RBFOX1: variants seen among roughly 807,000 people sequenced by gnomAD.
RBFOX1 encodes the protein RNA binding protein fox-1 homolog 1.
In RBFOX1, 8 loss-of-function variants were observed where a neutral mutation model predicts 57.7. That is an observed-to-expected ratio of 0.14 (90% confidence interval 0.08 to 0.25). The LOEUF (loss-of-function observed/expected upper bound fraction) is 0.25. Among genes scored for constraint, RBFOX1 ranks in the 10% least tolerant of loss-of-function variants. RBFOX1 has a pLI of 1.00. For synonymous variants in RBFOX1, 326 were observed against 222.4 expected, an observed-to-expected ratio of 1.47 and a Z score of -4.15; for missense variants, 611 against 548.5, an observed-to-expected ratio of 1.11 and a Z score of -1.14.
chr16:7,434,122 A>G (rs2098703607), intron 4 of RBFOX1, among the ~76,000 whole-genome samples: 1 of 152,174 alleles, frequency 6.6e-6, no homozygotes, highest in Non-Finnish European at 1.5e-5. Flanking sequence ...AGCACGGAGT[A>G]AAGTTTCATA....
At chr16:6,995,781 C>CAAA (rs1057339461) in intron 3 of RBFOX1, among the ~76,000 whole-genome samples, 4 of 151,400 alleles carry the variant, frequency 2.6e-5, no homozygotes, top group Non-Finnish European at 5.9e-5. Flanking sequence ...TAATAAAAAA[C>CAAA]AAAAAAAGGG....
At chr16:7,417,121 G>A (rs1010590293) in intron 4 of RBFOX1, among the ~76,000 whole-genome samples, 9 of 152,116 alleles carry the variant, frequency 5.9e-5, no homozygotes, top group Admixed American at 5.2e-4. Context: ...TGTAATCCCA[G>A]CACTTTGGGA....
intron 2 of RBFOX1, among the ~76,000 whole-genome samples, chr16:6,554,114 G>A (rs768488954): frequency 2.6e-5 from 4 of 152,168 alleles, no homozygotes; most frequent in African/African-American, 4.8e-5. Context: ...AAATAACAAA[G>A]TGTTAAAGAA....
chr16:6,619,080 G>C (rs147701604), intron 2 of RBFOX1, among the ~76,000 whole-genome samples: 1 of 152,190 alleles, frequency 6.6e-6, no homozygotes, highest in African/African-American at 2.4e-5. Context: ...AGAGGGTCAA[G>C]GTTGCATACC....
intron 1 of RBFOX1, among the ~76,000 whole-genome samples, chr16:6,105,388 T>TA (rs915822572): frequency 0.017 from 2,440 of 147,024 alleles, 67 homozygotes; most frequent in African/African-American, 0.055. Context: ...GCTCAGAAGG[T>TA]AAAAAAAAAA....
chr16:7,014,592 G>A (rs2093813678), intron 3 of RBFOX1, among the ~76,000 whole-genome samples: 1 of 151,916 alleles, frequency 6.6e-6, no homozygotes, highest in African/African-American at 2.4e-5. Flanking sequence ...TTTTAAAGGG[G>A]ATAACTGTCT....
intron 3 of RBFOX1, among the ~76,000 whole-genome samples, chr16:6,657,675 G>T (rs1036429818): frequency 7.9e-5 from 12 of 152,254 alleles, no homozygotes; most frequent in Middle Eastern, 6.8e-3. Context: ...TCAGTAATTT[G>T]ATAAAGTGGA....
chr16:5,558,341 G>C (rs986342445), intron 2 of RBFOX1, among the ~76,000 whole-genome samples: 1 of 152,136 alleles, frequency 6.6e-6, no homozygotes, highest in African/African-American at 2.4e-5. Context: ...CCTAGATGCA[G>C]CTGTGGAGGC....
intron 5 of RBFOX1, among the ~76,000 whole-genome samples, chr16:7,553,605 A>T (rs1213797569): frequency 6.6e-6 from 1 of 152,228 alleles, no homozygotes; most frequent in Non-Finnish European, 1.5e-5. Context: ...TCAAATGAAG[A>T]TCTGCAAGTG....
rs917300574 is a variant in RBFOX1 at position 7,048,194 on chromosome 16, AT to A, written c.-15-3856del. On this transcript the variant is annotated intron_variant, in intron 3 of 15. Coordinates refer to ENST00000550418, the MANE Select transcript of RBFOX1 (RefSeq NM_018723.4). ...GTGCCCAGCCCAATATTTTATTTTT[AT>A]TTTTTTAAAAAAATTTAGTTATTTT... is the stretch of plus-strand genomic sequence containing the variant. Among the ~76,000 whole-genome samples the A allele has an allele frequency of 2.7e-5, 4 of 147,966 alleles. No individual in the cohort carries two copies. In the South Asian group the frequency reaches 6.5e-4, roughly 24 times the overall value.
chr16:5,603,028 T>A (rs4786046), downstream of RBFOX1, among the ~76,000 whole-genome samples: 3 of 152,010 alleles, frequency 2.0e-5, no homozygotes, highest in African/African-American at 4.8e-5. Flanking sequence ...TTTTTGGTCC[T>A]TGCCTGCTCC....
intron 3 of RBFOX1, among the ~76,000 whole-genome samples, chr16:5,629,303 G>C (rs1284657002): frequency 6.6e-6 from 1 of 152,108 alleles, no homozygotes; most frequent in African/African-American, 2.4e-5. Flanking sequence ...AACATTTAGG[G>C]CTCAGGTGCT....
intron 4 of RBFOX1, among the ~76,000 whole-genome samples, chr16:5,982,578 C>T (rs2060196223): frequency 2.0e-5 from 3 of 152,144 alleles, no homozygotes; most frequent in African/African-American, 2.4e-5. Flanking sequence ...GCCCAGCCTG[C>T]ACATGATTTT....
At position 6,072,158 on chromosome 16, in the gene RBFOX1, G is replaced by T. The variant is rs115559598; in HGVS notation, c.-127+52166G>T. Among the ~76,000 whole-genome samples the T allele has an allele frequency of 4.2e-3, 644 of 152,216 alleles. 7 individuals are homozygous for T. Among genetic ancestry groups the T allele is most frequent in the African/African-American group, 0.013 (543 of 41,542 alleles). The stretch of plus-strand genomic sequence containing the variant: ...TGCAGGCAAGAGAGCTTGTTCAGGG[G>T]AACTGCCCTTTATAACATCATCATC... On this transcript the variant is annotated intron_variant, in intron 1 of 15. Transcript: ENST00000550418.
At chr16:6,173,747 C>T (rs545783305) in intron 1 of RBFOX1, among the ~76,000 whole-genome samples, 2 of 151,492 alleles carry the variant, frequency 1.3e-5, no homozygotes, top group Middle Eastern at 3.4e-3. Flanking sequence ...GTAGCTGGGG[C>T]TATAGGCGTA....
Position 5,985,242 on chromosome 16 carries a change from T to C in RBFOX1, c.351+117907T>C, listed in dbSNP as rs1280477002. Reference sequence around the variant, plus strand: ...CTCCTGACCTCCTGATCCATCCCCCTCGGCCTCCCAAAGTGGTGGGATTAC... The same window carrying C: ...CTCCTGACCTCCTGATCCATCCCCCCCGGCCTCCCAAAGTGGTGGGATTAC... On this transcript the variant is annotated intron_variant, in intron 4 of 19. Coordinates refer to the RBFOX1 transcript ENST00000641259. 2.6e-5 allele frequency among the ~76,000 whole-genome samples: 4 copies of C among 151,814 alleles called. No individual in the cohort carries two copies. In the East Asian group the frequency reaches 7.8e-4, roughly 30 times the overall value.
chr16:6,180,029 A>G (rs781124560), intron 1 of RBFOX1, among the ~76,000 whole-genome samples: 5 of 152,142 alleles, frequency 3.3e-5, no homozygotes, highest in Non-Finnish European at 7.3e-5. Context: ...GTGTGGCTGC[A>G]TTTGGTTTGC....
At chr16:6,562,010 G>A (rs2097185524) in intron 2 of RBFOX1, among the ~76,000 whole-genome samples, 1 of 152,006 alleles carries the variant, frequency 6.6e-6, no homozygotes, top group South Asian at 2.1e-4. Flanking sequence ...AGATCATTAT[G>A]AGGCCATGTT....
At chr16:7,107,786 C>T (rs991567208) in intron 4 of RBFOX1, among the ~76,000 whole-genome samples, 2 of 152,068 alleles carry the variant, frequency 1.3e-5, no homozygotes, top group Non-Finnish European at 2.9e-5. Context: ...GTATTCTAAT[C>T]TTTTTTCCAT....
Sources: allele counts gnomAD v4.1 joint callset (sites outside exome capture counted in the v4.1 genomes callset), GRCh38; gene constraint gnomAD v4.1.1; transcripts MANE v1.5; gene names NCBI Gene and HGNC (gene_info 2026-07-23, HGNC 2026-07-21).